The following RABGAP1 variants were observed in gnomAD, a reference collection of about 807,000 sequenced individuals.
The protein encoded by RABGAP1 is rab GTPase-activating protein 1.
In RABGAP1, 23 loss-of-function variants were observed where a neutral mutation model predicts 137.6. The observed-to-expected ratio is 0.17, with a 90% CI of 0.12 to 0.24. RABGAP1 has a LOEUF of 0.24. Among genes scored for constraint, RABGAP1 ranks in the 10% least tolerant of loss-of-function variants. The probability of loss-of-function intolerance (pLI) is 1.00; values close to 1 mark genes in which losing one functional copy is unlikely to be tolerated. For synonymous variants in RABGAP1, 451 were observed against 450.7 expected (o/e 1.00, Z -0.01); for missense variants, 906 against 1,275.8 (o/e 0.71, Z 4.42).
intron 6 of RABGAP1, among the ~76,000 whole-genome samples, chr9:122,991,507 C>G (rs1836717957): frequency 6.6e-6 from 1 of 151,952 alleles, no homozygotes; most frequent in African/African-American, 2.4e-5. Context: ...CATCTGGTGG[C>G]CAATTTAGTG....
the RABGAP1 span, among the ~76,000 whole-genome samples, chr9:122,935,671 T>A: frequency 1.3e-5 from 2 of 152,204 alleles, no homozygotes; most frequent in African/African-American, 4.8e-5. Context: ...ATTTCACTTT[T>A]AAATCAGAGA....
At chr9:122,964,484 A>C (rs1186785567) in intron 2 of RABGAP1, among the ~76,000 whole-genome samples, 1 of 152,240 alleles carries the variant, frequency 6.6e-6, no homozygotes. Context: ...ATCTCAGTAG[A>C]TGCAGAAAAA....
At chr9:123,069,929 A>G (rs1464093167) in intron 14 of RABGAP1, among the ~76,000 whole-genome samples, 1 of 152,212 alleles carries the variant, frequency 6.6e-6, no homozygotes, top group African/African-American at 2.4e-5. Flanking sequence ...AATAATAACC[A>G]TGCATGTATA....
intron 11 of RABGAP1, 119 bp downstream of exon 11, chr9:123,010,647 T>TAA: frequency 1.0e-6 from 1 of 974,966 alleles, no homozygotes; most frequent in Non-Finnish European, 1.5e-6. Context: ...ATGAATTCCT[T>TAA]ATGAGAGTTT....
chr9:123,095,222 G>A (rs1256017279), intron 21 of RABGAP1, among the ~76,000 whole-genome samples: 1 of 49,666 alleles, frequency 2.0e-5, no homozygotes, highest in African/African-American at 6.3e-5. Context: ...GTGAAACCTT[G>A]TCCCAAAAAA....
chr9:122,957,933 A>G (rs1203483432), intron 2 of RABGAP1, among the ~76,000 whole-genome samples: 1 of 146,990 alleles, frequency 6.8e-6, no homozygotes, highest in Non-Finnish European at 1.5e-5. Context: ...TTATTTTGTC[A>G]TGTGCTCAAC....
At chr9:122,993,005 A>T (rs1836819870) in intron 6 of RABGAP1, among the ~76,000 whole-genome samples, 1 of 151,716 alleles carries the variant, frequency 6.6e-6, no homozygotes, top group African/African-American at 2.4e-5. Context: ...TGCAGAAATA[A>T]TCATTGAGGT....
chr9:123,052,504 T>C (rs910409872), intron 13 of RABGAP1, among the ~76,000 whole-genome samples: 3 of 152,244 alleles, frequency 2.0e-5, no homozygotes, highest in East Asian at 3.8e-4. Flanking sequence ...GGTGCCTACT[T>C]TGTGTCAGAT....
chr9:123,004,125 G>C (rs904644499), intron 10 of RABGAP1, among the ~76,000 whole-genome samples: 83 of 152,292 alleles, frequency 5.5e-4, no homozygotes, highest in African/African-American at 1.9e-3. Context: ...GAATTGAGAG[G>C]TGTGTGATAT....
intron 13 of RABGAP1, chr9:123,034,929 C>G: frequency 6.2e-7 from 1 of 1,612,580 alleles, no homozygotes; most frequent in Non-Finnish European, 8.5e-7. Flanking sequence ...CTTCTCTGGC[C>G]TGTATCAGCA....
intron 2 of RABGAP1, among the ~76,000 whole-genome samples, chr9:122,972,144 C>T (rs1418502402): frequency 6.6e-6 from 1 of 152,036 alleles, no homozygotes; most frequent in African/African-American, 2.4e-5. Flanking sequence ...AACAGATTAC[C>T]TCTGCCCATT....
chr9:123,091,013 A>G (rs531071953), intron 21 of RABGAP1, among the ~76,000 whole-genome samples: 3 of 152,344 alleles, frequency 2.0e-5, no homozygotes, highest in South Asian at 4.1e-4. Flanking sequence ...GGGATGGATA[A>G]TAAGTGTTTG....
intron 10 of RABGAP1, among the ~76,000 whole-genome samples, chr9:123,004,039 T>C (rs1449804979): frequency 1.3e-5 from 2 of 152,216 alleles, no homozygotes; most frequent in South Asian, 4.1e-4. Flanking sequence ...TTATTTTAAT[T>C]TGCTGAGAGT....
chr9:123,073,093 T>C (rs1490855207), intron 15 of RABGAP1, among the ~76,000 whole-genome samples: 1 of 152,206 alleles, frequency 6.6e-6, no homozygotes, highest in African/African-American at 2.4e-5. Context: ...ACAATTTTGC[T>C]AGAATGAAAT....
At chr9:122,952,863 T>C (rs1834323588) in intron 1 of RABGAP1, among the ~76,000 whole-genome samples, 1 of 152,224 alleles carries the variant, frequency 6.6e-6, no homozygotes, top group Non-Finnish European at 1.5e-5. Context: ...ACCTACCAAA[T>C]ACCAGGCTAT....
intron 25 of RABGAP1, 70 bp from the exon 26 acceptor site, chr9:123,103,021 G>T: frequency 6.4e-7 from 1 of 1,554,964 alleles, no homozygotes; most frequent in Non-Finnish European, 8.7e-7. Context: ...TCTTGTCTTG[G>T]TTCTCCTCTG....
At chr9:123,080,475 G>A (rs1430233176) in intron 19 of RABGAP1, among the ~76,000 whole-genome samples, 2 of 152,164 alleles carry the variant, frequency 1.3e-5, no homozygotes, top group Admixed American at 1.3e-4. Flanking sequence ...AGTTTAGTTA[G>A]TGATGATTTG....
chr9:123,079,170 TTTGTTTCTTTTTTAAA>T (rs1329482182), intron 19 of RABGAP1, among the ~76,000 whole-genome samples: 1 of 152,034 alleles, frequency 6.6e-6, no homozygotes, highest in East Asian at 1.9e-4. Flanking sequence ...TGCCCCCTTG[TTTGTTTCTTTTTTAAA>T]TTTGTTTGCT....
intron 1 of RABGAP1, among the ~76,000 whole-genome samples, chr9:122,955,310 A>G (rs1399457597): frequency 1.3e-5 from 2 of 152,192 alleles, no homozygotes; most frequent in African/African-American, 4.8e-5. Flanking sequence ...ACTTTGGGGC[A>G]AGGTTCTATT....
Sources: allele counts gnomAD v4.1 joint callset (sites outside exome capture counted in the v4.1 genomes callset), GRCh38; gene constraint gnomAD v4.1.1; transcripts MANE v1.5; gene names NCBI Gene and HGNC (gene_info 2026-07-23, HGNC 2026-07-21).